The following SPATA16 variants were observed in gnomAD, a reference collection of about 807,000 sequenced individuals.
SPATA16 encodes the protein spermatogenesis-associated protein 16.
SPATA16 carries 36 observed loss-of-function variants against 63.3 expected under a neutral mutation model. The ratio of observed to expected loss-of-function variants is 0.57; its 90% CI spans 0.44 to 0.75. The LOEUF (loss-of-function observed/expected upper bound fraction) is 0.75. Ranked by LOEUF, SPATA16 falls within the 30% of genes least tolerant of loss-of-function variation. SPATA16 has a pLI of 0.00. For synonymous variants in SPATA16, 203 were observed against 216.7 expected, an observed-to-expected ratio of 0.94 and a Z score of 0.56; for missense variants, 646 against 679.3, an observed-to-expected ratio of 0.95 and a Z score of 0.54.
chr3:173,015,541 A>C (rs1428748485), intron 4 of SPATA16, among the ~76,000 whole-genome samples: 8 of 152,192 alleles, frequency 5.3e-5, no homozygotes, highest in Non-Finnish European at 2.9e-5. Context: ...CATAATCTTC[A>C]CTACTATGAG....
At chr3:172,981,428 C>T (rs1188383580) in intron 4 of SPATA16, among the ~76,000 whole-genome samples, 1 of 152,178 alleles carries the variant, frequency 6.6e-6, no homozygotes, top group East Asian at 1.9e-4. Context: ...ATCATCTGGA[C>T]ACATGTTGCT....
chr3:172,934,932 C>T (rs77596957), intron 6 of SPATA16, among the ~76,000 whole-genome samples: 1,725 of 152,084 alleles, frequency 0.011, 34 homozygotes, highest in African/African-American at 0.04. Flanking sequence ...ACCTCAGAAA[C>T]AAAATAACTG....
At chr3:173,090,934 CT>C (rs1175752435) in intron 2 of SPATA16, among the ~76,000 whole-genome samples, 16 of 152,124 alleles carry the variant, frequency 1.1e-4, no homozygotes, top group African/African-American at 3.6e-4. Context: ...GGGCACCTCT[CT>C]TTTTTGAATA....
intron 1 of SPATA16, among the ~76,000 whole-genome samples, chr3:173,127,643 C>T (rs1577189423): frequency 6.6e-6 from 1 of 152,192 alleles, no homozygotes; most frequent in East Asian, 1.9e-4. Flanking sequence ...GTTAAGCGGC[C>T]TCAGCCAGAA....
At chr3:172,976,126 A>T (rs9880748) in intron 5 of SPATA16, among the ~76,000 whole-genome samples, 3,434 of 152,196 alleles carry the variant, frequency 0.023, 137 homozygotes, top group African/African-American at 0.08. Flanking sequence ...TGGCTTTTGT[A>T]GTTGATTTTC....
At chr3:173,108,772 T>A (rs2108330392) in intron 2 of SPATA16, among the ~76,000 whole-genome samples, 1 of 152,288 alleles carries the variant, frequency 6.6e-6, no homozygotes, top group Middle Eastern at 3.4e-3. Context: ...CACTATATCT[T>A]TTCTATGATT....
intron 6 of SPATA16, among the ~76,000 whole-genome samples, chr3:172,941,097 G>C (rs1733138774): frequency 1.3e-5 from 2 of 152,142 alleles, no homozygotes; most frequent in African/African-American, 4.8e-5. Context: ...ATTAAGGAGT[G>C]ATCTAGACAG....
chr3:172,948,899 TCAGATACAAAAGAG>T (rs1374299212), intron 6 of SPATA16, among the ~76,000 whole-genome samples: 2 of 152,170 alleles, frequency 1.3e-5, no homozygotes, highest in African/African-American at 4.8e-5. Flanking sequence ...GCAAAAGAAG[TCAGATACAAAAGAG>T]CATCTACTCT....
intron 4 of SPATA16, among the ~76,000 whole-genome samples, chr3:173,001,315 G>A (rs1734823332): frequency 6.8e-6 from 1 of 146,482 alleles, no homozygotes; most frequent in Admixed American, 6.8e-5. Flanking sequence ...GACGGCTAGA[G>A]GGAACTGGAG....
At chr3:173,120,817 C>T (rs111956689) in intron 1 of SPATA16, among the ~76,000 whole-genome samples, 4,604 of 152,184 alleles carry the variant, frequency 0.03, 99 homozygotes, top group Middle Eastern at 0.13. Context: ...CTTTTTCTTT[C>T]TGCAAGAAGG....
intron 10 of SPATA16, among the ~76,000 whole-genome samples, chr3:172,894,289 CTT>C (rs1731958424): frequency 6.6e-6 from 1 of 152,040 alleles, no homozygotes. Flanking sequence ...CTAAAATAAA[CTT>C]AAGTTTCTGA....
At chr3:173,097,826 A>G (rs987290768) in intron 2 of SPATA16, among the ~76,000 whole-genome samples, 94 of 152,326 alleles carry the variant, frequency 6.2e-4, no homozygotes, top group Middle Eastern at 3.4e-3. Context: ...AAAGGATACC[A>G]TTCAACAAAG....
intron 3 of SPATA16, among the ~76,000 whole-genome samples, chr3:173,032,942 T>C (rs1735638345): frequency 6.6e-6 from 1 of 152,092 alleles, no homozygotes; most frequent in South Asian, 2.1e-4. Context: ...CCAGAGAACC[T>C]AATCATATCT....
At chr3:172,986,913 G>A (rs2108258228) in intron 4 of SPATA16, among the ~76,000 whole-genome samples, 1 of 152,214 alleles carries the variant, frequency 6.6e-6, no homozygotes, top group South Asian at 2.1e-4. Flanking sequence ...AAGAAAATAG[G>A]AAATTGAGAT....
chr3:172,889,502 G>A lies in SPATA16; in HGVS notation c.*68C>T. 1 of 1,606,114 alleles carries A rather than the reference G, an allele frequency of 6.2e-7. No homozygotes were observed. The highest frequency in any genetic ancestry group is 8.5e-7 in the Non-Finnish European group (1 of 1,175,122). ...TTATCCAGCTTCACAGTACTAGGTG[G>A]GCATTGGAGTGGATGCCCTTGCCTC... On this transcript the variant is annotated 3_prime_UTR_variant, in exon 11 of 11. Coordinates refer to ENST00000351008, the MANE Select transcript of SPATA16 (RefSeq NM_031955.6).
intron 1 of SPATA16, among the ~76,000 whole-genome samples, chr3:173,118,014 A>T (rs960148534): frequency 1.3e-5 from 2 of 152,212 alleles, no homozygotes; most frequent in Non-Finnish European, 2.9e-5. Flanking sequence ...ACAACATCGA[A>T]TGAATACTTT....
intron 1 of SPATA16, among the ~76,000 whole-genome samples, chr3:173,122,156 G>T (rs9844330): frequency 0.39 from 58,697 of 151,970 alleles, 13,334 homozygotes; most frequent in African/African-American, 0.64. Flanking sequence ...AATATTGACA[G>T]GCAACATTGG....
At chr3:173,111,114 C>T (rs570651521) in intron 2 of SPATA16, among the ~76,000 whole-genome samples, 68 of 152,282 alleles carry the variant, frequency 4.5e-4, no homozygotes, top group Non-Finnish European at 7.2e-4. Flanking sequence ...AGCCATGACA[C>T]TTTAAGTAAG....
In SPATA16 at chr3:173,046,926, T is replaced by G. The variant is rs550463745; in HGVS notation, c.758+2023A>C. On this transcript the variant is annotated intron_variant, in intron 3 of 10. Transcript: ENST00000351008. ...ACTGTTTAACCTTTATTGATTTACA[T>G]TTCTTACTTAATGTTCAACTTAGGA... 2.6e-5 allele frequency among the ~76,000 whole-genome samples: 4 copies of G among 152,128 alleles called. No homozygotes were observed. In the East Asian group the frequency reaches 7.7e-4, roughly 29 times the overall value.
Sources: gnomAD v4.1 joint callset for allele counts (sites outside exome capture counted in the v4.1 genomes callset) on GRCh38, gnomAD v4.1.1 for gene constraint, MANE v1.5 for transcripts, NCBI Gene and HGNC (gene_info 2026-07-23, HGNC 2026-07-21) for gene names.